The following SLC9A9 variants were observed in gnomAD, a reference collection of about 807,000 sequenced individuals.
The protein encoded by SLC9A9 is solute carrier family 9 member A9.
SLC9A9 carries 62 observed loss-of-function variants against 77.8 expected under a neutral mutation model. That is an observed-to-expected ratio of 0.80 (90% CI 0.65 to 0.98). The LOEUF is 0.98. Ranked by LOEUF, SLC9A9 falls within the 50% of genes least tolerant of loss-of-function variation. SLC9A9 has a pLI of 0.00. For synonymous variants in SLC9A9, 320 were observed against 283.5 expected (o/e 1.13, Z -1.29); for missense variants, 775 against 774.9 (o/e 1.00, Z 0.00).
At position 143,275,690 on chromosome 3, in the gene SLC9A9, C is replaced by G. The variant is rs567570404; in HGVS notation, c.1605-6710G>C. ...GTTTGTTTTTCTAATTCTTTCATGT[C>G]TTGTATCATTTTCTTAGTCTCTTAA... is the stretch of plus-strand genomic sequence containing the variant. On this transcript the variant is annotated intron_variant, in intron 14 of 15. Coordinates refer to ENST00000316549, the MANE Select transcript of SLC9A9 (RefSeq NM_173653.4). Among the ~76,000 whole-genome samples, 6 of 151,956 alleles carry G rather than the reference C, an allele frequency of 3.9e-5. No homozygotes were observed. The South Asian group carries it at 8.3e-4, about 21-fold the overall frequency.
chr3:143,279,505 C>T (rs977328863), intron 14 of SLC9A9, among the ~76,000 whole-genome samples: 4 of 152,092 alleles, frequency 2.6e-5, no homozygotes, highest in Non-Finnish European at 4.4e-5. Flanking sequence ...TGGTGGTTTG[C>T]TGCATCCATC....
chr3:143,383,455 G>T (rs1410031524), intron 12 of SLC9A9, among the ~76,000 whole-genome samples: 1 of 41,754 alleles, frequency 2.4e-5, no homozygotes, highest in African/African-American at 1.5e-4. Flanking sequence ...AATACCATTT[G>T]ATCAGAGAAG....
intron 4 of SLC9A9, among the ~76,000 whole-genome samples, chr3:143,747,748 T>C (rs1438195645): frequency 6.6e-6 from 1 of 152,248 alleles, no homozygotes; most frequent in Admixed American, 6.5e-5. Context: ...TTGGTGATAC[T>C]GACTTTGGCC....
chr3:143,570,292 G>A (rs930463394), intron 8 of SLC9A9, among the ~76,000 whole-genome samples: 1 of 152,052 alleles, frequency 6.6e-6, no homozygotes, highest in African/African-American at 2.4e-5. Context: ...TATAATAAAT[G>A]TAAACCGGAA....
At chr3:143,818,032 G>GA (rs533937801) in intron 2 of SLC9A9, among the ~76,000 whole-genome samples, 10 of 150,624 alleles carry the variant, frequency 6.6e-5, no homozygotes, top group South Asian at 2.1e-4. Context: ...AAGCTACACA[G>GA]AAAAAAAAAT....
At chr3:143,320,024 GT>G (rs1201965751) in intron 14 of SLC9A9, among the ~76,000 whole-genome samples, 1 of 152,198 alleles carries the variant, frequency 6.6e-6, no homozygotes, top group Non-Finnish European at 1.5e-5. Flanking sequence ...AACATGAGTT[GT>G]TTTTCCATTG....
At chr3:143,748,775 C>G (rs1362558830) in intron 4 of SLC9A9, among the ~76,000 whole-genome samples, 16 of 148,114 alleles carry the variant, frequency 1.1e-4, no homozygotes, top group African/African-American at 3.8e-4. Flanking sequence ...GCAATCTCGG[C>G]TCACTGCAAG....
chr3:143,266,682 A>C lies in SLC9A9; in HGVS notation c.*20T>G, dbSNP rs776470118. 1.2e-6 allele frequency: 2 copies of C among 1,613,090 alleles called. No individual in the cohort carries two copies. Among genetic ancestry groups the C allele is most frequent in the Admixed American group, 1.7e-5 (1 of 60,022 alleles). ...TGAGTCTTGCATTACTTGTGATTAC[A>C]TCTGTACTCTTCATGCCAATTAATT... On this transcript the variant is annotated 3_prime_UTR_variant, in exon 16 of 16. Transcript: ENST00000316549.
chr3:143,589,234 T>A (rs1348462543), intron 6 of SLC9A9, among the ~76,000 whole-genome samples: 1 of 152,192 alleles, frequency 6.6e-6, no homozygotes. Flanking sequence ...ACCCTCAAAG[T>A]AAACCCCAAA....
chr3:143,368,691 A>G (rs182987326), intron 13 of SLC9A9, among the ~76,000 whole-genome samples: 2,401 of 152,298 alleles, frequency 0.016, 31 homozygotes, highest in South Asian at 0.071. Flanking sequence ...ACCTGTGAAT[A>G]GAATTTGCTA....
chr3:143,817,217 C>T (rs916384046), intron 2 of SLC9A9, among the ~76,000 whole-genome samples: 5 of 149,852 alleles, frequency 3.3e-5, no homozygotes, highest in Non-Finnish European at 5.9e-5. Context: ...GGTGCAATCT[C>T]GGCTCACTGC....
chr3:143,689,112 G>T (rs1231892818), intron 5 of SLC9A9, among the ~76,000 whole-genome samples: 1 of 151,142 alleles, frequency 6.6e-6, no homozygotes, highest in Admixed American at 6.6e-5. Context: ...ATTGTCTACT[G>T]CATTGACAAG....
intron 9 of SLC9A9, among the ~76,000 whole-genome samples, chr3:143,535,470 T>A (rs2036576763): frequency 6.6e-6 from 1 of 152,222 alleles, no homozygotes; most frequent in African/African-American, 2.4e-5. Flanking sequence ...TATTTTTTGT[T>A]TGTTTAACTT....
intron 13 of SLC9A9, chr3:143,381,808 CTT>C: frequency 2.0e-6 from 1 of 511,310 alleles, no homozygotes; most frequent in Non-Finnish European, 3.5e-6. Context: ...CCATCATATA[CTT>C]TGTAAAGTTT....
intron 4 of SLC9A9, among the ~76,000 whole-genome samples, chr3:143,749,826 A>G (rs2006653426): frequency 6.6e-6 from 1 of 152,188 alleles, no homozygotes; most frequent in Non-Finnish European, 1.5e-5. Context: ...TACACACTGA[A>G]GTTTGAGAAC....
At chr3:143,643,862 C>T (rs1289541789) in intron 6 of SLC9A9, among the ~76,000 whole-genome samples, 1 of 151,812 alleles carries the variant, frequency 6.6e-6, no homozygotes, top group Non-Finnish European at 1.5e-5. Context: ...TGTTTAATTC[C>T]CTTCGAGTAT....
chr3:143,306,520 T>C (rs2108433172), intron 14 of SLC9A9, among the ~76,000 whole-genome samples: 1 of 152,342 alleles, frequency 6.6e-6, no homozygotes, highest in East Asian at 1.9e-4. Flanking sequence ...TTTAAAAACA[T>C]GTCTTGCCTG....
At chr3:143,357,463 T>C (rs1054556982) in intron 14 of SLC9A9, among the ~76,000 whole-genome samples, 3 of 152,152 alleles carry the variant, frequency 2.0e-5, no homozygotes, top group Non-Finnish European at 2.9e-5. Context: ...CTCTCCTGCT[T>C]GCTACTGAAA....
chr3:143,322,897 C>T (rs1025354606), intron 14 of SLC9A9, among the ~76,000 whole-genome samples: 5 of 151,990 alleles, frequency 3.3e-5, no homozygotes, highest in African/African-American at 1.2e-4. Flanking sequence ...CACCAAAGAA[C>T]ACGAATAGAC....
Sources: gnomAD v4.1 joint callset for allele counts (sites outside exome capture counted in the v4.1 genomes callset) on GRCh38, gnomAD v4.1.1 for gene constraint, MANE v1.5 for transcripts, NCBI Gene and HGNC (gene_info 2026-07-23, HGNC 2026-07-21) for gene names.